LAMA2: variants seen among roughly 807,000 people sequenced by gnomAD.
LAMA2 encodes laminin subunit alpha 2.
A neutral mutation model predicts 364.8 loss-of-function variants in LAMA2; 269 were observed. The observed-to-expected ratio is 0.74, with a 90% CI of 0.67 to 0.82. The LOEUF (loss-of-function observed/expected upper bound fraction) is 0.82, where lower values mean the gene tolerates loss of function less well. LAMA2 is among the 40% of genes least tolerant of loss of function. The pLI is 0.00. For missense variants in LAMA2, 3,807 were observed against 3,873.2 expected, an observed-to-expected ratio of 0.98 and a Z score of 0.45; for synonymous variants, 1,379 against 1,370.6, an observed-to-expected ratio of 1.01 and a Z score of -0.14.
intron 9 of LAMA2, among the ~76,000 whole-genome samples, chr6:129,167,423 G>A (rs905093560): frequency 3.3e-5 from 5 of 150,032 alleles, no homozygotes; most frequent in African/African-American, 9.8e-5. Flanking sequence ...TTGGTTTTTT[G>A]TTCTTGCAAT....
chr6:129,079,451 A>G (rs1318100568), intron 3 of LAMA2, among the ~76,000 whole-genome samples: 2 of 151,872 alleles, frequency 1.3e-5, no homozygotes, highest in Non-Finnish European at 2.9e-5. Flanking sequence ...TCTTTGAGGA[A>G]CCACTATATT....
intron 1 of LAMA2, among the ~76,000 whole-genome samples, chr6:128,974,553 G>C (rs1006303942): frequency 2.6e-5 from 4 of 152,162 alleles, no homozygotes; most frequent in Non-Finnish European, 5.9e-5. Flanking sequence ...TATATTATGG[G>C]ATGGAACTGA....
chr6:129,227,959 G>A (rs997757080), intron 12 of LAMA2, among the ~76,000 whole-genome samples: 8 of 152,180 alleles, frequency 5.3e-5, no homozygotes, highest in Non-Finnish European at 1.2e-4. Flanking sequence ...GCATCCTTGA[G>A]CTGCAGTGGG....
chr6:129,449,287 C>A (rs1782544106), intron 45 of LAMA2, among the ~76,000 whole-genome samples: 1 of 152,132 alleles, frequency 6.6e-6, no homozygotes. Flanking sequence ...TAAATTTATT[C>A]TCACAGTTCT....
intron 1 of LAMA2, among the ~76,000 whole-genome samples, chr6:128,901,693 A>C (rs563215317): frequency 6.6e-6 from 1 of 152,328 alleles, no homozygotes; most frequent in African/African-American, 2.4e-5. Context: ...TTAGACATTA[A>C]GTTTGTGGAA....
chr6:129,074,830 A>G (rs1037292844), intron 3 of LAMA2, among the ~76,000 whole-genome samples: 2 of 152,242 alleles, frequency 1.3e-5, no homozygotes, highest in Non-Finnish European at 2.9e-5. Flanking sequence ...TGAAATTGGC[A>G]TATAAAGTAG....
At chr6:129,028,750 A>G (rs1448146054) in intron 1 of LAMA2, among the ~76,000 whole-genome samples, 1 of 151,856 alleles carries the variant, frequency 6.6e-6, no homozygotes, top group Admixed American at 6.6e-5. Context: ...GGGAATCAAT[A>G]TGGTTTTTAA....
At chr6:128,978,927 C>T (rs1200176381) in intron 1 of LAMA2, among the ~76,000 whole-genome samples, 1 of 151,996 alleles carries the variant, frequency 6.6e-6, no homozygotes, top group East Asian at 1.9e-4. Context: ...AACATGGAGC[C>T]TTCAGAGATA....
intron 12 of LAMA2, among the ~76,000 whole-genome samples, chr6:129,215,056 C>T (rs1289487284): frequency 6.6e-6 from 1 of 152,056 alleles, no homozygotes; most frequent in East Asian, 1.9e-4. Context: ...GTGTTTTTAA[C>T]TTCACATTCC....
intron 37 of LAMA2, among the ~76,000 whole-genome samples, chr6:129,400,230 G>A (rs1562529254): frequency 6.6e-6 from 1 of 152,120 alleles, no homozygotes; most frequent in East Asian, 1.9e-4. Context: ...TTCATGACCT[G>A]GTCACCTCCA....
At chr6:128,907,463 G>C (rs1462668077) in intron 1 of LAMA2, among the ~76,000 whole-genome samples, 4 of 152,148 alleles carry the variant, frequency 2.6e-5, no homozygotes, top group Non-Finnish European at 5.9e-5. Context: ...AAGAATGCTT[G>C]TGATTTTTGC....
chr6:129,071,634 T>C (rs1773319564), intron 3 of LAMA2, among the ~76,000 whole-genome samples: 1 of 152,202 alleles, frequency 6.6e-6, no homozygotes, highest in Non-Finnish European at 1.5e-5. Flanking sequence ...TATATTCTAA[T>C]TTTCATAGTA....
intron 37 of LAMA2, among the ~76,000 whole-genome samples, chr6:129,399,036 G>A (rs1168736386): frequency 6.6e-6 from 1 of 152,170 alleles, no homozygotes; most frequent in Non-Finnish European, 1.5e-5. Flanking sequence ...ACAATGTGTA[G>A]TTCAACAGGC....
intron 41 of LAMA2, among the ~76,000 whole-genome samples, chr6:129,435,675 C>T (rs1012805505): frequency 1.3e-5 from 2 of 152,100 alleles, no homozygotes; most frequent in Non-Finnish European, 2.9e-5. Flanking sequence ...ATGTTATGTG[C>T]TTATATTAGT....
chr6:129,461,797 G>T (rs2114803950), intron 49 of LAMA2, among the ~76,000 whole-genome samples: 1 of 119,064 alleles, frequency 8.4e-6, no homozygotes, highest in African/African-American at 3.3e-5. Context: ...TTTGTAGGTT[G>T]CAGAGATTCA....
intron 49 of LAMA2, 60 bp from the exon 50 acceptor site, chr6:129,464,230 T>C (rs1783417352): frequency 1.3e-5 from 19 of 1,413,640 alleles, no homozygotes; most frequent in Admixed American, 3.4e-5. Context: ...CAGTGATGCA[T>C]TGAATAATGA....
At chr6:129,326,309 C>T (rs1775277583) in intron 28 of LAMA2, among the ~76,000 whole-genome samples, 1 of 152,132 alleles carries the variant, frequency 6.6e-6, no homozygotes, top group Non-Finnish European at 1.5e-5. Flanking sequence ...CTGGACCGGA[C>T]CACAGACTCC....
At chr6:129,265,435 G>A (rs146490454) in intron 15 of LAMA2, among the ~76,000 whole-genome samples, 1 of 152,136 alleles carries the variant, frequency 6.6e-6, no homozygotes, top group South Asian at 2.1e-4. Context: ...TCTGAAAACA[G>A]TAGATTAGTT....
chr6:128,929,319 AG>A, intron 1 of LAMA2: 2 of 1,195,892 alleles, frequency 1.7e-6, no homozygotes, highest in Non-Finnish European at 2.5e-6. Context: ...TCACTCTCAC[AG>A]AGCCAAGTAC....
Sources: gnomAD v4.1 joint callset for allele counts (sites outside exome capture counted in the v4.1 genomes callset) on GRCh38, gnomAD v4.1.1 for gene constraint, MANE v1.5 for transcripts, NCBI Gene and HGNC (gene_info 2026-07-23, HGNC 2026-07-21) for gene names.